Variants in APLP1 observed in about 807,000 individuals in gnomAD.
The protein encoded by APLP1 is amyloid beta precursor like protein 1, also known as amyloid beta (A4) precursor-like protein 1.
Under a neutral mutation model 84.5 loss-of-function variants are expected in APLP1, and 46 were observed. That is an observed-to-expected ratio of 0.54 (90% CI 0.43 to 0.70). The LOEUF (loss-of-function observed/expected upper bound fraction) is 0.70. APLP1 is among the 30% of genes least tolerant of loss of function. The pLI is 0.00. For missense variants in APLP1, 826 were observed against 900.2 expected, an observed-to-expected ratio of 0.92 and a Z score of 1.05; for synonymous variants, 376 against 364.0, an observed-to-expected ratio of 1.03 and a Z score of -0.38.
Position 35,869,788 on chromosome 19 carries a change from G to C in APLP1, c.269G>C (p.Arg90Pro). The C allele has an allele frequency of 6.2e-7, 1 of 1,601,348 alleles. No individual in the cohort carries two copies. The highest frequency in any genetic ancestry group is 8.5e-7 in the Non-Finnish European group (1 of 1,175,096). The part of the protein sequence containing the change: ...RSRRCLRDPQ[R>P]VLEYCRQMYP... ...CGACGCTGTCTCCGGGACCCGCAGCGCGTGCTGGAGTACTGCAGACAGGTG... is the reference window on the plus strand; with the variant it reads ...CGACGCTGTCTCCGGGACCCGCAGCCCGTGCTGGAGTACTGCAGACAGGTG... Residue 90 changes from arginine to proline, a missense_variant, in exon 2 of 17, where the codon CGC becomes CCC. Around this residue, in one of 3 missense-constraint regions of APLP1, gnomAD observed 383 missense variants for 378.3 expected, o/e 1.01. Transcript: ENST00000221891.
At chr19:35,875,787 T>A (rs754641948) in intron 10 of APLP1, among the ~76,000 whole-genome samples, 1 of 149,328 alleles carries the variant, frequency 6.7e-6, no homozygotes, top group African/African-American at 2.5e-5. Context: ...TTTGCACCAA[T>A]CTAATATTTT....
intron 12 of APLP1, 49 bp downstream of exon 12, chr19:35,877,874 C>T: frequency 2.7e-6 from 4 of 1,502,224 alleles, no homozygotes; most frequent in Non-Finnish European, 2.7e-6. Context: ...GAACAGGCCC[C>T]AGCCTAATTT....
Position 35,870,964 on chromosome 19 carries a change from C to T in APLP1, c.360C>T (p.Cys120=), listed in dbSNP as rs1448474865. 1.3e-6 allele frequency: 2 copies of T among 1,582,168 alleles called. No homozygotes were observed. Among genetic ancestry groups the T allele is most frequent in the African/African-American group, 1.3e-5 (1 of 74,552 alleles). The change falls in exon 3 of 17, where the codon TGC becomes TGT. Residue 120 remains cysteine (C), a synonymous_variant. Transcript: ENST00000221891. ...ATQAIPMERW[C]GGSRSGSCAH... ...AGGCCATCCCCATGGAGCGCTGGTG[C>T]GGGGGTTCCCGGAGCGGCAGCTGCG...
At chr19:35,873,231 T>TG (rs1394573206) in intron 7 of APLP1, among the ~76,000 whole-genome samples, 1 of 150,562 alleles carries the variant, frequency 6.6e-6, no homozygotes, top group Non-Finnish European at 1.5e-5. Flanking sequence ...TTAAGGGATC[T>TG]GGGGCCTTTA....
At position 35,878,575 on chromosome 19, in the gene APLP1, T is replaced by G. The variant is rs751387245; in HGVS notation, c.1580-9T>G. 6.2e-7 allele frequency: 1 copy of G among 1,612,274 alleles called. No individual in the cohort carries two copies. The highest frequency in any genetic ancestry group is 8.5e-7 in the Non-Finnish European group (1 of 1,179,446). ...AAAAAAAAAAGAATGAGATCAGACT[T>G]GGGGGTAGGGTCCACAGAACAAGAT... On this transcript the variant is annotated splice_polypyrimidine_tract_variant and intron_variant, in intron 13 of 16. Transcript: ENST00000221891.
At chr19:35,876,267 T>C (rs534048036) in intron 10 of APLP1, among the ~76,000 whole-genome samples, 3 of 152,286 alleles carry the variant, frequency 2.0e-5, no homozygotes, top group African/African-American at 7.2e-5. Context: ...AACCATGTCA[T>C]TTCTATATGA....
Position 35,877,749 on chromosome 19 carries a change from C to T in APLP1, c.1476C>T (p.Pro492=). The part of the protein sequence containing the change: ...QELLHSEHLG[P]SELEAPAPGG... ...TCCTCCACTCTGAACACCTGGGTCC[C>T]AGTGAATTGGAAGCCCCTGCCCCTG... The change falls in exon 12 of 17, where the codon CCC becomes CCT. Residue 492 remains proline (P), a synonymous_variant. Coordinates refer to ENST00000221891, the MANE Select transcript of APLP1 (RefSeq NM_001024807.3). The T allele has an allele frequency of 3.1e-6, 5 of 1,609,942 alleles. No individual in the cohort carries two copies. Among genetic ancestry groups the T allele is most frequent in the Non-Finnish European group, 4.2e-6 (5 of 1,178,896 alleles).
At chr19:35,879,305 C>T (rs759918649) in intron 16 of APLP1, 38 bp from the exon 17 acceptor site, 3 of 1,611,912 alleles carry the variant, frequency 1.9e-6, no homozygotes, top group East Asian at 2.2e-5. Flanking sequence ...GTCCCGCCCC[C>T]GCACCACACT....
chr19:35,878,254 A>C, intron 13 of APLP1, 146 bp downstream of exon 13: 1 of 935,196 alleles, frequency 1.1e-6, no homozygotes, highest in Non-Finnish European at 1.6e-6. Context: ...ACCCTAAAGA[A>C]TGAGATAGGG....
At chr19:35,876,424 C>T in intron 10 of APLP1, 93 bp from the exon 11 acceptor site, 1 of 1,097,356 alleles carries the variant, frequency 9.1e-7, no homozygotes, top group Non-Finnish European at 1.4e-6. Flanking sequence ...CGCTTTTCCT[C>T]AGTCGCTATT....
chr19:35,873,245 CTTT>C (rs74172771), intron 7 of APLP1, among the ~76,000 whole-genome samples: 12 of 125,778 alleles, frequency 9.5e-5, no homozygotes, highest in Admixed American at 2.4e-4. Flanking sequence ...GCCTTTAAAT[CTTT>C]TTTTTTTTTT....
At position 35,872,004 on chromosome 19, in the gene APLP1, C is replaced by A; in HGVS notation, c.818C>A (p.Pro273Gln). 1.2e-6 allele frequency: 2 copies of A among 1,614,074 alleles called. No homozygotes were observed. Among genetic ancestry groups the A allele is most frequent in the Non-Finnish European group, 1.7e-6 (2 of 1,179,998 alleles). The change falls in exon 6 of 17, where the codon CCA (proline) becomes CAA (glutamine). Residue 273 changes from proline to glutamine, a missense_variant. Transcript: ENST00000221891. The part of the protein sequence containing the change: ...AEEEEETVPP[P>Q]SSHTLAVVGK... ...GAGGAAGAGGAAACGGTCCCACCCC[C>A]AAGCTCCCATACACTTGCAGTGGTC... is the stretch of plus-strand genomic sequence containing the variant.
rs1974183282 is a variant in APLP1 at position 35,872,586 on chromosome 19, G to A, written c.954G>A (p.Glu318=). The A allele has an allele frequency of 1.2e-6, 2 of 1,613,790 alleles. No individual in the cohort carries two copies. Among genetic ancestry groups the A allele is most frequent in the East Asian group, 4.5e-5 (2 of 44,860 alleles). ...EGFLRAKMDL[E]ERRMRQINEV... ...TCCTGAGGGCCAAGATGGACCTGGA[G>A]GAGCGTAGGATGCGCCAGATTAATG... The change falls in exon 7 of 17, where the codon GAG becomes GAA. Residue 318 remains glutamate (E), a synonymous_variant. Transcript: ENST00000221891.
At chr19:35,879,001 C>A in intron 15 of APLP1, 49 bp downstream of exon 15, 1 of 1,613,694 alleles carries the variant, frequency 6.2e-7, no homozygotes, top group Admixed American at 1.7e-5. Context: ...CAGAGGTCAG[C>A]GGCCAGGCTG....
intron 14 of APLP1, 83 bp downstream of exon 14, chr19:35,878,737 G>C (rs1270377653): frequency 6.4e-7 from 1 of 1,563,060 alleles, no homozygotes. Context: ...AGATGCTGGG[G>C]GCTTGGATTC....
intron 4 of APLP1, 37 bp downstream of exon 4, chr19:35,871,386 A>G (rs766671092): frequency 1.3e-6 from 2 of 1,555,276 alleles, no homozygotes; most frequent in Non-Finnish European, 8.8e-7. Context: ...AGCCCCCACA[A>G]CCCAGGAACT....
chr19:35,870,877 C>T lies in APLP1; in HGVS notation c.292-19C>T, dbSNP rs1448123395. On this transcript the variant is annotated intron_variant, in intron 2 of 16. Coordinates refer to ENST00000221891, the MANE Select transcript of APLP1 (RefSeq NM_001024807.3). ...AGGGGCGGGGCAGTGGGCTGATTGC[C>T]CCCATCTGATCCCCCCAGATGTACC... 5 of 1,599,254 alleles carry T rather than the reference C, an allele frequency of 3.1e-6. No homozygotes were observed. The highest frequency in any genetic ancestry group is 3.4e-4 in the Middle Eastern group (2 of 5,954).
chr19:35,871,443 C>T (rs1178147155), intron 4 of APLP1, 94 bp downstream of exon 4: 2 of 1,360,724 alleles, frequency 1.5e-6, no homozygotes, highest in African/African-American at 1.4e-5. Flanking sequence ...GTCTGGGCCA[C>T]CAGCATCCTC....
chr19:35,876,396 C>G (rs1974281771), intron 10 of APLP1, 121 bp from the exon 11 acceptor site: 1 of 807,790 alleles, frequency 1.2e-6, no homozygotes. Context: ...TACCACACAT[C>G]CTGTCCATTG....
Sources: gnomAD v4.1 joint callset for allele counts (sites outside exome capture counted in the v4.1 genomes callset) on GRCh38, gnomAD v4.1.1 for gene constraint, gnomAD v4.1.1 regional missense constraint, MANE v1.5 for transcripts, NCBI Gene and HGNC (gene_info 2026-07-23, HGNC 2026-07-21) for gene names.